TMEM131L: variants seen among roughly 807,000 people sequenced by gnomAD.
TMEM131L encodes the protein transmembrane 131 like, also known as transmembrane protein 131-like.
Under a neutral mutation model 192.2 loss-of-function variants are expected in TMEM131L, and 54 were observed. The ratio of observed to expected loss-of-function variants is 0.28; its 90% CI spans 0.23 to 0.35. The LOEUF is 0.35. TMEM131L is among the 10% of genes least tolerant of loss of function. The pLI is 1.00. For synonymous variants in TMEM131L, 701 were observed against 704.9 expected (o/e 0.99, Z 0.09); for missense variants, 1,888 against 1,972.9 (o/e 0.96, Z 0.82).
intron 7 of TMEM131L, among the ~76,000 whole-genome samples, chr4:153,575,066 C>T (rs771786120): frequency 2.0e-5 from 3 of 152,158 alleles, no homozygotes; most frequent in Non-Finnish European, 4.4e-5. Flanking sequence ...AACATCAAGC[C>T]TCTTGTTCAT....
At chr4:153,580,942 C>T (rs776627623) in intron 8 of TMEM131L, 39 bp downstream of exon 8, 1 of 1,375,894 alleles carries the variant, frequency 7.3e-7, no homozygotes, top group Non-Finnish European at 1.0e-6. Context: ...CTGCTTTCCT[C>T]CTGCCTCTTT....
chr4:153,556,116 C>CA (rs1422404676), intron 5 of TMEM131L, among the ~76,000 whole-genome samples: 1 of 4,780 alleles, frequency 2.1e-4, no homozygotes, highest in Non-Finnish European at 3.7e-4. Flanking sequence ...CTACTGGGGC[C>CA]GGGGGGAGGT....
intron 2 of TMEM131L, among the ~76,000 whole-genome samples, chr4:153,467,657 A>G (rs2149694744): frequency 6.6e-6 from 1 of 152,344 alleles, no homozygotes; most frequent in East Asian, 1.9e-4. Context: ...GATTTCATAA[A>G]TGTTAGAGTG....
intron 3 of TMEM131L, among the ~76,000 whole-genome samples, chr4:153,545,561 A>G (rs1737111870): frequency 6.6e-6 from 1 of 152,156 alleles, no homozygotes; most frequent in Non-Finnish European, 1.5e-5. Context: ...TGCTGGGATT[A>G]CAGGCATGAG....
In TMEM131L at chr4:153,501,452, G is replaced by A. The variant is rs563218915; in HGVS notation, c.239+27564G>A. Among the ~76,000 whole-genome samples, 6 of 152,068 alleles carry A rather than the reference G, an allele frequency of 3.9e-5. No homozygotes were observed. The South Asian group carries it at 1.0e-3, about 26-fold the overall frequency. ...CTTGACCTCATGATCCGCCTGCCTC[G>A]GCCTCCCAAAGTGCTGGGATTACAG... On this transcript the variant is annotated intron_variant, in intron 3 of 34. Coordinates refer to ENST00000409959, the MANE Select transcript of TMEM131L (RefSeq NM_001131007.2).
At chr4:153,609,424 A>C (rs1732465813) in intron 25 of TMEM131L, among the ~76,000 whole-genome samples, 2 of 152,182 alleles carry the variant, frequency 1.3e-5, no homozygotes, top group Admixed American at 1.3e-4. Flanking sequence ...TCCAACATTG[A>C]GGATTACAAT....
chr4:153,488,164 A>T (rs1013399200), intron 3 of TMEM131L, among the ~76,000 whole-genome samples: 1 of 144,174 alleles, frequency 6.9e-6, no homozygotes, highest in Admixed American at 6.8e-5. Flanking sequence ...GTTTTGTGTG[A>T]GAGAGAGAGA....
chr4:153,626,903 T>C (rs1733881835), intron 30 of TMEM131L, among the ~76,000 whole-genome samples: 1 of 152,262 alleles, frequency 6.6e-6, no homozygotes, highest in African/African-American at 2.4e-5. Flanking sequence ...ACCTAGTAGA[T>C]ACATGTTTCC....
intron 4 of TMEM131L, among the ~76,000 whole-genome samples, chr4:153,551,315 A>G (rs893493358): frequency 6.6e-6 from 1 of 151,850 alleles, no homozygotes; most frequent in Non-Finnish European, 1.5e-5. Flanking sequence ...TTCCCTTCTA[A>G]TCATCAAAAT....
rs746618226 is a variant in TMEM131L at position 153,634,286 on chromosome 4, G to C, written c.4417+6G>C. On this transcript the variant is annotated splice_donor_region_variant and intron_variant, in intron 33 of 34. Transcript: ENST00000409959. ...TTACAATGCCTTTCCAGAAGGTAAGGGCTCTTCAGACAATCCCAACGCCAT... is the reference window on the plus strand; with the variant it reads ...TTACAATGCCTTTCCAGAAGGTAAGCGCTCTTCAGACAATCCCAACGCCAT... The C allele has an allele frequency of 3.1e-6, 5 of 1,600,984 alleles. No homozygotes were observed. The Admixed American group carries it at 6.7e-5, about 21-fold the overall frequency.
chr4:153,573,331 A>C (rs149342139), intron 7 of TMEM131L, among the ~76,000 whole-genome samples: 1 of 152,276 alleles, frequency 6.6e-6, no homozygotes, highest in African/African-American at 2.4e-5. Flanking sequence ...GGCAGCCTGC[A>C]TCACAAAGCT....
At chr4:153,469,451 CAT>C (rs1364766360) in intron 2 of TMEM131L, among the ~76,000 whole-genome samples, 7 of 152,096 alleles carry the variant, frequency 4.6e-5, no homozygotes, top group African/African-American at 7.2e-5. Flanking sequence ...AAAATTCCCT[CAT>C]ATGTGTCAAA....
At chr4:153,591,887 A>G (rs1731092624) in intron 17 of TMEM131L, among the ~76,000 whole-genome samples, 1 of 152,146 alleles carries the variant, frequency 6.6e-6, no homozygotes, top group South Asian at 2.1e-4. Flanking sequence ...CAAAAAGAAA[A>G]GAATCTTTTT....
At position 153,466,396 on chromosome 4, in the gene TMEM131L, G is replaced by C. The variant is rs757435964; in HGVS notation, c.-2G>C. The C allele has an allele frequency of 1.9e-5, 25 of 1,331,830 alleles. 2 individuals are homozygous for C. In the South Asian group the frequency reaches 4.6e-4, roughly 24 times the overall value. 82.5% of individuals were successfully genotyped at this position (1,331,830 alleles called of 1,614,324 possible). A position where few individuals can be genotyped will look rare whatever the true frequency, so the allele number is the denominator to read the frequency against. The stretch of plus-strand genomic sequence containing the variant: ...GCAACGGAGAGGAGCGCGAGCAGCA[G>C]CATGGCGGGGCTCCGACGCCCGCAG... On this transcript the variant is annotated 5_prime_UTR_variant, in exon 1 of 35. Coordinates refer to ENST00000409959, the MANE Select transcript of TMEM131L (RefSeq NM_001131007.2).
In TMEM131L at chr4:153,603,773, A is replaced by G. The variant is rs1292735751; in HGVS notation, c.2790-29A>G. 5.8e-6 allele frequency: 9 copies of G among 1,552,158 alleles called. No homozygotes were observed. In the South Asian group the frequency reaches 8.9e-5, roughly 15 times the overall value. On this transcript the variant is annotated intron_variant, in intron 24 of 34. Coordinates refer to ENST00000409959, the MANE Select transcript of TMEM131L (RefSeq NM_001131007.2). ...GTAGAGTTTGATTTGATTTGCCTCT[A>G]TGCTAAATGTTTTTCTTCTTAAATT... is the stretch of plus-strand genomic sequence containing the variant.
intron 21 of TMEM131L, among the ~76,000 whole-genome samples, chr4:153,601,703 C>T (rs996758056): frequency 6.6e-6 from 1 of 152,156 alleles, no homozygotes; most frequent in Non-Finnish European, 1.5e-5. Context: ...TTTCTAGCAG[C>T]TGTGATGGAT....
intron 2 of TMEM131L, among the ~76,000 whole-genome samples, chr4:153,468,850 G>A (rs72969190): frequency 0.055 from 8,386 of 151,806 alleles, 716 homozygotes; most frequent in African/African-American, 0.19. Context: ...GTATATCTAT[G>A]TATATGTATT....
At chr4:153,515,422 T>C (rs961671883) in intron 3 of TMEM131L, among the ~76,000 whole-genome samples, 46 of 152,352 alleles carry the variant, frequency 3.0e-4, no homozygotes, top group African/African-American at 1.0e-3. Context: ...AACAATACTT[T>C]ATTCCTTTCT....
intron 4 of TMEM131L, 118 bp downstream of exon 4, chr4:153,550,259 T>C: frequency 2.1e-6 from 1 of 476,778 alleles, no homozygotes; most frequent in Non-Finnish European, 3.8e-6. Flanking sequence ...TGAAGGGATA[T>C]TGATCCTGGG....
Sources: gnomAD v4.1 joint callset for allele counts (sites outside exome capture counted in the v4.1 genomes callset) on GRCh38, gnomAD v4.1.1 for gene constraint, MANE v1.5 for transcripts, NCBI Gene and HGNC (gene_info 2026-07-23, HGNC 2026-07-21) for gene names.